Variants in PSMF1 observed in about 807,000 individuals in gnomAD.
PSMF1 encodes the protein proteasome inhibitor PI31 subunit.
Under a neutral mutation model 29.3 loss-of-function variants are expected in PSMF1, and 30 were observed. The observed-to-expected ratio is 1.02, with a 90% CI of 0.77 to 1.39. PSMF1 has a LOEUF of 1.39. PSMF1 is among the 40% of genes most tolerant of loss of function. The probability of loss-of-function intolerance (pLI) is 0.00; values close to 1 mark genes in which losing one functional copy is unlikely to be tolerated. For synonymous variants in PSMF1, 134 were observed against 139.7 expected, an observed-to-expected ratio of 0.96 and a Z score of 0.29; for missense variants, 344 against 357.5, an observed-to-expected ratio of 0.96 and a Z score of 0.31.
chr20:1,160,251 C>T (rs2086649848), intron 4 of PSMF1, among the ~76,000 whole-genome samples: 1 of 151,952 alleles, frequency 6.6e-6, no homozygotes, highest in African/African-American at 2.4e-5. Context: ...TTGATGACCC[C>T]CTTTCCCCTC....
At chr20:1,116,488 C>T (rs1049934613), upstream of PSMF1, among the ~76,000 whole-genome samples, 2 of 152,196 alleles carry the variant, frequency 1.3e-5, no homozygotes, top group Admixed American at 1.3e-4. Flanking sequence ...ACTTTAGGAA[C>T]ACAAAATTTG....
rs2086741328 is a variant in PSMF1 at position 1,167,252 on chromosome 20, G to A, written c.*2172G>A. 6.6e-6 allele frequency: 1 copy of A among 152,098 alleles called. No homozygotes were observed. Among genetic ancestry groups the A allele is most frequent in the Non-Finnish European group, 1.5e-5 (1 of 68,038 alleles). The allele number at this position is 152,098 out of a possible 1,614,324, so 9.4% of individuals were successfully genotyped here. On this transcript the variant is annotated 3_prime_UTR_variant, in exon 7 of 7. Coordinates refer to ENST00000335877, the MANE Select transcript of PSMF1 (RefSeq NM_006814.5). ...AGTAATCATCAAGGAGCAAGTTGGA[G>A]TGTTTCAGGTGTATATTTTGTAGAA... is the stretch of plus-strand genomic sequence containing the variant.
chr20:1,132,074 T>G (rs557322248), intron 3 of PSMF1, among the ~76,000 whole-genome samples: 1 of 152,318 alleles, frequency 6.6e-6, no homozygotes, highest in African/African-American at 2.4e-5. Flanking sequence ...TCTGTACATC[T>G]GTGGATCTAT....
chr20:1,131,530 C>T (rs754640307), intron 3 of PSMF1, among the ~76,000 whole-genome samples: 4 of 152,132 alleles, frequency 2.6e-5, no homozygotes, highest in Admixed American at 1.3e-4. Flanking sequence ...GAGTCATCTC[C>T]GTGGAAATGG....
Position 1,171,159 on chromosome 20 carries a change from C to T in PSMF1, c.*6079C>T, listed in dbSNP as rs1329608993. ...TAATCCCCAGGATGGTCTTAAGGCT[C>T]CTCAGTCAGTCCTATTTGCACAGCG... is the stretch of plus-strand genomic sequence containing the variant. On this transcript the variant is annotated 3_prime_UTR_variant, in exon 7 of 7. Coordinates refer to ENST00000335877, the MANE Select transcript of PSMF1 (RefSeq NM_006814.5). Among the ~76,000 whole-genome samples, 3 of 152,140 alleles carry T rather than the reference C, an allele frequency of 2.0e-5. No homozygotes were observed. Among genetic ancestry groups the T allele is most frequent in the Non-Finnish European group, 2.9e-5 (2 of 68,014 alleles).
chr20:1,146,389 C>T (rs1568475514), intron 4 of PSMF1, among the ~76,000 whole-genome samples: 1 of 151,734 alleles, frequency 6.6e-6, no homozygotes, highest in East Asian at 1.9e-4. Flanking sequence ...TGAACTTTAG[C>T]TGGACAAAAA....
At chr20:1,152,392 G>A (rs150861487) in intron 4 of PSMF1, among the ~76,000 whole-genome samples, 27 of 152,304 alleles carry the variant, frequency 1.8e-4, no homozygotes, top group African/African-American at 6.3e-4. Flanking sequence ...AATGAGTTTG[G>A]CTTGGATTGC....
rs1345501711 is a variant in PSMF1, at chr20:1,168,791, C to G, written c.*3711C>G. Among the ~76,000 whole-genome samples, 1 of 152,166 alleles carries G rather than the reference C, an allele frequency of 6.6e-6. No individual in the cohort carries two copies. The highest frequency in any genetic ancestry group is 1.9e-4 in the East Asian group (1 of 5,194). Reference sequence around the variant, plus strand: ...AGGAGGAATATTAGAATCTATGGAGCAGTTAGTATTCTTTGTCACCTAAAT... The same window carrying G: ...AGGAGGAATATTAGAATCTATGGAGGAGTTAGTATTCTTTGTCACCTAAAT... On this transcript the variant is annotated 3_prime_UTR_variant, in exon 7 of 7. Transcript: ENST00000335877.
At chr20:1,140,628 T>C (rs1269507102) in intron 4 of PSMF1, among the ~76,000 whole-genome samples, 1 of 152,126 alleles carries the variant, frequency 6.6e-6, no homozygotes, top group African/African-American at 2.4e-5. Flanking sequence ...ATTAAAATAT[T>C]TTGTGCATAA....
In PSMF1 at chr20:1,158,933, G is replaced by A. The variant is rs140839922; in HGVS notation, c.552-4197G>A. ...TAGCCAGGCGTGGTGGCGCATGCCTGTAATCCTAGCTACTTAGGAGGCTGA... is the reference window on the plus strand; with the variant it reads ...TAGCCAGGCGTGGTGGCGCATGCCTATAATCCTAGCTACTTAGGAGGCTGA... On this transcript the variant is annotated intron_variant, in intron 4 of 6. Transcript: ENST00000335877. Among the ~76,000 whole-genome samples the A allele has an allele frequency of 6.3e-3, 954 of 152,200 alleles. 12 individuals carry two copies. Among genetic ancestry groups the A allele is most frequent in the African/African-American group, 0.021 (874 of 41,514 alleles).
At chr20:1,156,096 G>T (rs1217999762) in intron 4 of PSMF1, among the ~76,000 whole-genome samples, 1 of 152,164 alleles carries the variant, frequency 6.6e-6, no homozygotes, top group Non-Finnish European at 1.5e-5. Flanking sequence ...GAACCAAATG[G>T]AGATTTTAGC....
chr20:1,133,775 TA>T (rs1488473269), intron 3 of PSMF1, among the ~76,000 whole-genome samples: 1 of 151,560 alleles, frequency 6.6e-6, no homozygotes, highest in African/African-American at 2.4e-5. Context: ...TTTTTTATTT[TA>T]TTTTTTTAGA....
intron 3 of PSMF1, among the ~76,000 whole-genome samples, chr20:1,133,569 A>ATATATATATATATATATATATATATATT: frequency 4.5e-4 from 24 of 53,296 alleles, no homozygotes; most frequent in African/African-American, 1.1e-3. Flanking sequence ...ATATATATAT[A>ATATATATATATATATATATATATATATT]TTTTTTTTTT....
At chr20:1,113,688 T>G (rs187467436), upstream of PSMF1, among the ~76,000 whole-genome samples, 45 of 152,106 alleles carry the variant, frequency 3.0e-4, 1 homozygote, top group Non-Finnish European at 2.9e-4. Context: ...TCTTCTTCTT[T>G]TTTTTTGTTT....
chr20:1,118,983 G>C, intron 1 of PSMF1, 81 bp downstream of exon 1: 1 of 1,526,548 alleles, frequency 6.6e-7, no homozygotes. Flanking sequence ...GGTCCAGAGC[G>C]CCCGATTTCC....
intron 4 of PSMF1, among the ~76,000 whole-genome samples, chr20:1,150,968 C>G (rs902467895): frequency 6.6e-6 from 1 of 152,118 alleles, no homozygotes; most frequent in Non-Finnish European, 1.5e-5. Context: ...TTATATTTTT[C>G]CACATTGATA....
intron 1 of PSMF1, among the ~76,000 whole-genome samples, chr20:1,119,877 C>T (rs2122437557): frequency 6.6e-6 from 1 of 152,290 alleles, no homozygotes; most frequent in South Asian, 2.1e-4. Context: ...GGGAAACAGA[C>T]CACCCCACCT....
At position 1,168,478 on chromosome 20, in the gene PSMF1, A is replaced by G. The variant is rs2086756948; in HGVS notation, c.*3398A>G. Reference sequence around the variant, plus strand: ...TCTTCCTTGGCTTGTCTCTTCCCCAATTCTTAGAGTTAGCAGTGTTTCTTA... The same window carrying G: ...TCTTCCTTGGCTTGTCTCTTCCCCAGTTCTTAGAGTTAGCAGTGTTTCTTA... On this transcript the variant is annotated 3_prime_UTR_variant, in exon 7 of 7. Coordinates refer to ENST00000335877, the MANE Select transcript of PSMF1 (RefSeq NM_006814.5). The G allele has an allele frequency of 6.6e-6, 1 of 152,196 alleles. No homozygotes were observed. The highest frequency in any genetic ancestry group is 2.4e-5 in the African/African-American group (1 of 41,432). 9.4% of individuals were successfully genotyped at this position (152,196 alleles called of 1,614,324 possible).
intron 4 of PSMF1, among the ~76,000 whole-genome samples, chr20:1,142,213 C>T (rs140533299): frequency 2.0e-5 from 3 of 152,242 alleles, no homozygotes; most frequent in Admixed American, 6.5e-5. Context: ...AACGACAGAG[C>T]GAGACTCCTT....
Sources: gnomAD v4.1 joint callset for allele counts (sites outside exome capture counted in the v4.1 genomes callset) on GRCh38, gnomAD v4.1.1 for gene constraint, MANE v1.5 for transcripts, NCBI Gene and HGNC (gene_info 2026-07-23, HGNC 2026-07-21) for gene names.